The following RBFOX1 variants were observed in gnomAD, a reference collection of about 807,000 sequenced individuals.
The protein encoded by RBFOX1 is RNA binding fox-1 homolog 1, also known as RNA binding protein fox-1 homolog 1.
Under a neutral mutation model 57.7 loss-of-function variants are expected in RBFOX1, and 8 were observed. The observed-to-expected ratio is 0.14, with a 90% CI of 0.08 to 0.25. The LOEUF (loss-of-function observed/expected upper bound fraction) is 0.25. Among genes scored for constraint, RBFOX1 ranks in the 10% least tolerant of loss-of-function variants. The pLI, the probability that RBFOX1 is intolerant of heterozygous loss-of-function variation, is 1.00. For missense variants in RBFOX1, 611 were observed against 548.5 expected (o/e 1.11, Z -1.14); for synonymous variants, 326 against 222.4 (o/e 1.47, Z -4.15).
At chr16:7,088,715 T>G (rs900463314) in intron 4 of RBFOX1, among the ~76,000 whole-genome samples, 1 of 152,210 alleles carries the variant, frequency 6.6e-6, no homozygotes, top group Admixed American at 6.5e-5. Context: ...TAGTGTAGTT[T>G]AGCCAATAAA....
chr16:7,073,479 G>T (rs529670662), intron 4 of RBFOX1, among the ~76,000 whole-genome samples: 12 of 152,198 alleles, frequency 7.9e-5, no homozygotes, highest in African/African-American at 2.9e-4. Context: ...ATATAATTCA[G>T]ACCCCCTACA....
intron 3 of RBFOX1, among the ~76,000 whole-genome samples, chr16:5,764,315 G>C (rs925041266): frequency 6.6e-6 from 1 of 152,202 alleles, no homozygotes; most frequent in Non-Finnish European, 1.5e-5. Context: ...GAAGGTACCA[G>C]AGGCCTTGAG....
intron 1 of RBFOX1, among the ~76,000 whole-genome samples, chr16:6,167,175 G>T (rs1258469720): frequency 6.6e-6 from 1 of 152,234 alleles, no homozygotes; most frequent in Non-Finnish European, 1.5e-5. Flanking sequence ...GGTGTTGGAT[G>T]GGAAGAGCCG....
chr16:7,649,677 C>G (rs944012212), intron 11 of RBFOX1, among the ~76,000 whole-genome samples: 6 of 152,178 alleles, frequency 3.9e-5, no homozygotes, highest in African/African-American at 1.4e-4. Context: ...TGGTTAACCA[C>G]TGACAGGGTG....
At chr16:7,692,529 C>A (rs966202996) in intron 14 of RBFOX1, among the ~76,000 whole-genome samples, 3 of 152,154 alleles carry the variant, frequency 2.0e-5, no homozygotes, top group African/African-American at 7.2e-5. Flanking sequence ...AGCCCCTGTA[C>A]TGCTACTTTT....
At chr16:6,515,592 C>CT (rs779839004) in intron 2 of RBFOX1, among the ~76,000 whole-genome samples, 1 of 152,076 alleles carries the variant, frequency 6.6e-6, no homozygotes, top group Non-Finnish European at 1.5e-5. Flanking sequence ...CTAAAGAAGC[C>CT]TTTTTATGGA....
chr16:7,173,173 A>G (rs1163841799), intron 4 of RBFOX1, among the ~76,000 whole-genome samples: 2 of 152,230 alleles, frequency 1.3e-5, no homozygotes, highest in Non-Finnish European at 2.9e-5. Flanking sequence ...CAAAAATCAT[A>G]CAACTGTTTT....
At chr16:7,513,625 T>C (rs1305618607) in intron 4 of RBFOX1, among the ~76,000 whole-genome samples, 1 of 152,162 alleles carries the variant, frequency 6.6e-6, no homozygotes, top group Non-Finnish European at 1.5e-5. Context: ...CCCTCATTTG[T>C]GACAAAACTG....
rs139265655 is a variant in RBFOX1, at chr16:7,518,170, C to G, written c.51C>G (p.Ala17=). 3 of 1,613,188 alleles carry G rather than the reference C, an allele frequency of 1.9e-6. No individual in the cohort carries two copies. The South Asian group carries it at 3.3e-5, about 18-fold the overall frequency. ...AGGGTAATCAGGAAGCAGCCGCTGC[C>G]CCTGACACAATGGCTCAGCCTTACG... is the stretch of plus-strand genomic sequence containing the variant. ...QLRGNQEAAA[A]PDTMAQPYAS... The change falls in exon 5 of 16, where the codon GCC becomes GCG. Residue 17 remains alanine, a synonymous_variant. Coordinates refer to ENST00000550418, the MANE Select transcript of RBFOX1 (RefSeq NM_018723.4).
intron 2 of RBFOX1, among the ~76,000 whole-genome samples, chr16:5,555,161 T>C (rs1222547130): frequency 1.3e-5 from 2 of 152,230 alleles, no homozygotes; most frequent in Non-Finnish European, 2.9e-5. Context: ...TACCCTCCGC[T>C]ATGGATGTTG....
chr16:5,961,643 C>A (rs574773712), intron 4 of RBFOX1, among the ~76,000 whole-genome samples: 86 of 152,228 alleles, frequency 5.6e-4, no homozygotes, highest in Admixed American at 1.8e-3. Context: ...CCTCAGCCTC[C>A]CAAGCAGCTG....
chr16:7,103,995 CAA>C (rs1277803003), intron 4 of RBFOX1, among the ~76,000 whole-genome samples: 5 of 152,092 alleles, frequency 3.3e-5, no homozygotes, highest in African/African-American at 1.2e-4. Context: ...TTATTAACAA[CAA>C]GAGTAAAATA....
chr16:5,487,278 T>C (rs116917345), intron 2 of RBFOX1, among the ~76,000 whole-genome samples: 208 of 152,300 alleles, frequency 1.4e-3, no homozygotes, highest in Middle Eastern at 3.4e-3. Context: ...AACCATCTTG[T>C]TGTCTATTGT....
At chr16:7,173,010 T>C (rs191561309) in intron 4 of RBFOX1, among the ~76,000 whole-genome samples, 11 of 152,304 alleles carry the variant, frequency 7.2e-5, no homozygotes, top group Non-Finnish European at 1.3e-4. Context: ...AACTACCACG[T>C]GTGTATTTTC....
intron 4 of RBFOX1, among the ~76,000 whole-genome samples, chr16:7,250,880 A>G (rs544665546): frequency 6.6e-6 from 1 of 152,308 alleles, no homozygotes; most frequent in South Asian, 2.1e-4. Flanking sequence ...ATAATAACGA[A>G]TTAACTTTTT....
At chr16:6,974,223 G>A (rs1476134256) in intron 3 of RBFOX1, among the ~76,000 whole-genome samples, 1 of 151,834 alleles carries the variant, frequency 6.6e-6, no homozygotes, top group African/African-American at 2.4e-5. Flanking sequence ...CTTAATGGGG[G>A]ATAGTTGTAA....
At chr16:7,125,261 A>T (rs1191762806) in intron 4 of RBFOX1, among the ~76,000 whole-genome samples, 1 of 152,194 alleles carries the variant, frequency 6.6e-6, no homozygotes, top group African/African-American at 2.4e-5. Context: ...GTTGTCGTTC[A>T]GCCTTTCTAA....
chr16:6,839,647 C>G (rs1384757580), intron 3 of RBFOX1, among the ~76,000 whole-genome samples: 1 of 152,182 alleles, frequency 6.6e-6, no homozygotes, highest in East Asian at 1.9e-4. Context: ...AGACACACAG[C>G]CTGTGTTTTT....
At chr16:6,105,302 G>A (rs879581765) in intron 1 of RBFOX1, among the ~76,000 whole-genome samples, 2 of 152,206 alleles carry the variant, frequency 1.3e-5, no homozygotes, top group African/African-American at 2.4e-5. Flanking sequence ...CATTTGTAAC[G>A]CATGATTCAT....
Sources: gnomAD v4.1 joint callset for allele counts (sites outside exome capture counted in the v4.1 genomes callset) on GRCh38, gnomAD v4.1.1 for gene constraint, MANE v1.5 for transcripts, NCBI Gene and HGNC (gene_info 2026-07-23, HGNC 2026-07-21) for gene names.